Variants in ROBO2 observed in about 807,000 individuals in gnomAD.
ROBO2 encodes the protein roundabout homolog 2.
In ROBO2, 53 loss-of-function variants were observed where a neutral mutation model predicts 160.8. That is an observed-to-expected ratio of 0.33 (90% CI 0.26 to 0.41). The LOEUF (loss-of-function observed/expected upper bound fraction) is 0.41, where lower values mean the gene tolerates loss of function less well. Among genes scored for constraint, ROBO2 ranks in the 10% least tolerant of loss-of-function variants. The pLI, the probability that ROBO2 is intolerant of heterozygous loss-of-function variation, is 1.00. For synonymous variants in ROBO2, 664 were observed against 611.7 expected, an observed-to-expected ratio of 1.09 and a Z score of -1.26; for missense variants, 1,577 against 1,722.4, an observed-to-expected ratio of 0.92 and a Z score of 1.49.
At chr3:76,835,212 A>G (rs1220997801) in intron 2 of ROBO2, among the ~76,000 whole-genome samples, 1 of 151,660 alleles carries the variant, frequency 6.6e-6, no homozygotes, top group Non-Finnish European at 1.5e-5. Flanking sequence ...GGGAATTTTT[A>G]TCGTGAAAAA....
chr3:76,742,623 C>A (rs1007581342), intron 2 of ROBO2, among the ~76,000 whole-genome samples: 1 of 152,006 alleles, frequency 6.6e-6, no homozygotes, highest in Admixed American at 6.6e-5. Context: ...TTCACACAAG[C>A]CTTTGGAAAT....
chr3:76,419,067 C>A (rs1480959216), intron 2 of ROBO2, among the ~76,000 whole-genome samples: 1 of 152,152 alleles, frequency 6.6e-6, no homozygotes, highest in Admixed American at 6.5e-5. Context: ...TTTTTAAATT[C>A]TCCAACCCCA....
intron 2 of ROBO2, among the ~76,000 whole-genome samples, chr3:76,966,898 T>G (rs1332312712): frequency 6.6e-6 from 1 of 152,200 alleles, no homozygotes; most frequent in African/African-American, 2.4e-5. Flanking sequence ...CAGTTTTGCT[T>G]GAGACATCTT....
chr3:77,196,938 T>C lies in ROBO2; in HGVS notation c.388+98598T>C, dbSNP rs539022508. ...AAAATATGAGAACAATTTGGCTTAA[T>C]TAAAAAAAAGGAGACCTAATGAAAT... On this transcript the variant is annotated intron_variant, in intron 2 of 25. Transcript: ENST00000461745. Among the ~76,000 whole-genome samples the C allele has an allele frequency of 2.0e-4, 30 of 150,514 alleles. 1 individual carries two copies. The highest frequency in any genetic ancestry group is 4.4e-5 in the Non-Finnish European group (3 of 67,634).
intron 2 of ROBO2, among the ~76,000 whole-genome samples, chr3:77,380,102 T>A (rs2073241529): frequency 6.6e-6 from 1 of 152,176 alleles, no homozygotes; most frequent in Non-Finnish European, 1.5e-5. Flanking sequence ...GAGAAGTGAG[T>A]CTACTAATAT....
chr3:77,463,477 G>A (rs542718414), intron 2 of ROBO2, among the ~76,000 whole-genome samples: 126 of 152,016 alleles, frequency 8.3e-4, no homozygotes, highest in East Asian at 1.9e-3. Context: ...AGCGATGATC[G>A]CTTTTAGCAA....
chr3:77,066,408 A>C (rs376087783), intron 1 of ROBO2, among the ~76,000 whole-genome samples: 13 of 152,168 alleles, frequency 8.5e-5, no homozygotes, highest in Admixed American at 7.9e-4. Flanking sequence ...AGTTGGAAAA[A>C]AATTGGCTTC....
chr3:77,549,134 G>A (rs145376971), intron 7 of ROBO2, among the ~76,000 whole-genome samples: 1 of 151,920 alleles, frequency 6.6e-6, no homozygotes, highest in Non-Finnish European at 1.5e-5. Context: ...TTTTGCCTAT[G>A]TCATGCAAGC....
chr3:76,922,543 G>A (rs1577505481), intron 2 of ROBO2, among the ~76,000 whole-genome samples: 1 of 152,154 alleles, frequency 6.6e-6, no homozygotes, highest in East Asian at 1.9e-4. Context: ...GTGAAGAGGA[G>A]GCCTAATTTT....
intron 2 of ROBO2, among the ~76,000 whole-genome samples, chr3:77,384,436 A>T (rs1169931638): frequency 1.3e-5 from 2 of 152,166 alleles, no homozygotes; most frequent in Non-Finnish European, 2.9e-5. Context: ...CTTTAAAAAA[A>T]GTCCAGGAGT....
At chr3:77,316,850 G>A in intron 2 of ROBO2, 1 of 1,224,654 alleles carries the variant, frequency 8.2e-7, no homozygotes, top group Non-Finnish European at 1.2e-6. Context: ...ATACCTGGCT[G>A]CAGGGTCTGA....
intron 2 of ROBO2, among the ~76,000 whole-genome samples, chr3:77,422,252 T>C (rs1321017333): frequency 6.6e-6 from 1 of 152,190 alleles, no homozygotes; most frequent in Non-Finnish European, 1.5e-5. Flanking sequence ...TAGCGGTTCC[T>C]TTTGACATTT....
intron 2 of ROBO2, among the ~76,000 whole-genome samples, chr3:76,886,031 G>T: frequency 6.6e-6 from 1 of 152,092 alleles, no homozygotes; most frequent in East Asian, 1.9e-4. Context: ...TTCCCCCAAG[G>T]TAGACTGAGG....
intron 2 of ROBO2, among the ~76,000 whole-genome samples, chr3:76,249,825 A>T (rs62268396): frequency 0.12 from 18,848 of 152,146 alleles, 1,834 homozygotes; most frequent in East Asian, 0.41. Context: ...CTCAAAGGAT[A>T]TTTGAAGAAT....
intron 2 of ROBO2, among the ~76,000 whole-genome samples, chr3:77,376,154 CTTTTTTTT>C (rs11425201): frequency 8.7e-6 from 1 of 115,524 alleles, no homozygotes; most frequent in African/African-American, 3.4e-5. Flanking sequence ...ATTTAACTTT[CTTTTTTTT>C]TTTTTTTTTT....
At chr3:76,220,336 T>TAAA (rs1245647290) in intron 2 of ROBO2, among the ~76,000 whole-genome samples, 1 of 150,660 alleles carries the variant, frequency 6.6e-6, no homozygotes, top group Non-Finnish European at 1.5e-5. Flanking sequence ...ATAATAATAA[T>TAAA]AAAAGAGAAA....
At chr3:77,257,172 C>T (rs1349302813) in intron 2 of ROBO2, among the ~76,000 whole-genome samples, 1 of 152,122 alleles carries the variant, frequency 6.6e-6, no homozygotes, top group Admixed American at 6.6e-5. Flanking sequence ...CTGTGATCAC[C>T]AGCTTCTGTC....
chr3:77,354,332 A>AT (rs1419919491), intron 2 of ROBO2, among the ~76,000 whole-genome samples: 2 of 152,082 alleles, frequency 1.3e-5, no homozygotes, highest in Non-Finnish European at 2.9e-5. Context: ...ATATTGCAGA[A>AT]TTTTTTCTCC....
intron 1 of ROBO2, among the ~76,000 whole-genome samples, chr3:75,935,840 G>A (rs1396926316): frequency 6.6e-6 from 1 of 152,102 alleles, no homozygotes; most frequent in Non-Finnish European, 1.5e-5. Flanking sequence ...CAGAGCATAG[G>A]CTTTGAAATC....
Sources: allele counts gnomAD v4.1 joint callset (sites outside exome capture counted in the v4.1 genomes callset), GRCh38; gene constraint gnomAD v4.1.1; transcripts MANE v1.5; gene names NCBI Gene and HGNC (gene_info 2026-07-23, HGNC 2026-07-21).